The following TXNL4A variants were observed in gnomAD, a reference collection of about 807,000 sequenced individuals.
TXNL4A encodes the protein thioredoxin like 4A, also known as thioredoxin-like protein 4A.
In TXNL4A, 17 loss-of-function variants were observed where a neutral mutation model predicts 14.6. The ratio of observed to expected loss-of-function variants is 1.16; its 90% CI spans 0.80 to 1.74. TXNL4A has a LOEUF of 1.74. Among genes scored for constraint, TXNL4A ranks in the 40% most tolerant of loss-of-function variants. The pLI is 0.00. For synonymous variants in TXNL4A, 83 were observed against 70.6 expected, an observed-to-expected ratio of 1.18 and a Z score of -0.88; for missense variants, 74 against 195.2, an observed-to-expected ratio of 0.38 and a Z score of 3.70.
intron 1 of TXNL4A, among the ~76,000 whole-genome samples, chr18:80,020,722 G>A (rs182612000): frequency 6.6e-6 from 1 of 151,400 alleles, no homozygotes; most frequent in East Asian, 2.0e-4. Context: ...AGCTGATTGA[G>A]TTTATTTTAT....
intron 1 of TXNL4A, among the ~76,000 whole-genome samples, chr18:79,999,051 T>C (rs1490573299): frequency 6.6e-6 from 1 of 152,172 alleles, no homozygotes; most frequent in African/African-American, 2.4e-5. Flanking sequence ...CGAAGCCAGA[T>C]CATCTCAAGT....
At chr18:80,026,972 A>C (rs953083547) in intron 1 of TXNL4A, among the ~76,000 whole-genome samples, 3 of 152,208 alleles carry the variant, frequency 2.0e-5, no homozygotes, top group Non-Finnish European at 2.9e-5. Flanking sequence ...GAGAGGAGGA[A>C]ATATTAGGGG....
intron 1 of TXNL4A, among the ~76,000 whole-genome samples, chr18:80,008,624 C>T (rs1422509887): frequency 3.9e-5 from 6 of 152,098 alleles, no homozygotes; most frequent in Non-Finnish European, 5.9e-5. Flanking sequence ...TGTACTTTTA[C>T]CTGAGTGCTT....
intron 1 of TXNL4A, among the ~76,000 whole-genome samples, chr18:79,984,312 G>A (rs2051510242): frequency 6.6e-6 from 1 of 152,096 alleles, no homozygotes; most frequent in Non-Finnish European, 1.5e-5. Flanking sequence ...TACTATCATG[G>A]GCCAGGCATG....
At chr18:79,976,648 T>A (rs545939154) in intron 2 of TXNL4A, 6 of 381,202 alleles carry the variant, frequency 1.6e-5, no homozygotes, top group Non-Finnish European at 2.6e-5. Context: ...AGCTGCTCAA[T>A]GCGTGCTAAT....
chr18:80,007,199 G>A (rs192397759), intron 1 of TXNL4A, among the ~76,000 whole-genome samples: 10 of 152,200 alleles, frequency 6.6e-5, no homozygotes, highest in South Asian at 4.2e-4. Context: ...GCAGCAGGAC[G>A]AGCCACAGAC....
chr18:80,030,761 T>C (rs1459325437), intron 1 of TXNL4A, among the ~76,000 whole-genome samples: 1 of 151,776 alleles, frequency 6.6e-6, no homozygotes, highest in Non-Finnish European at 1.5e-5. Context: ...AGATCAGGAG[T>C]TTCAGACCAG....
At chr18:80,016,335 T>C (rs2051809419) in intron 1 of TXNL4A, among the ~76,000 whole-genome samples, 1 of 152,214 alleles carries the variant, frequency 6.6e-6, no homozygotes. Context: ...TGATGGTAGT[T>C]TCTTTTGCTG....
upstream of TXNL4A, among the ~76,000 whole-genome samples, chr18:79,992,876 T>TAAAAAAAAAAA (rs59567705): frequency 1.3e-5 from 1 of 78,622 alleles, no homozygotes; most frequent in Non-Finnish European, 2.4e-5. Context: ...TCATCTTATG[T>TAAAAAAAAAAA]AAAAAAAAAA....
chr18:79,988,129 C>T, intron 1 of TXNL4A, 111 bp downstream of exon 1: 1 of 1,251,922 alleles, frequency 8.0e-7, no homozygotes, highest in Non-Finnish European at 1.0e-6. Context: ...ACGACGGAGC[C>T]GCGGCCCCTC....
upstream of TXNL4A, among the ~76,000 whole-genome samples, chr18:79,988,747 C>T (rs2145091576): frequency 6.6e-6 from 1 of 152,244 alleles, no homozygotes; most frequent in African/African-American, 2.4e-5. Flanking sequence ...GGGGGTTCCT[C>T]CCCAGCGTCC....
At chr18:79,996,509 T>G (rs1354688688) in intron 1 of TXNL4A, among the ~76,000 whole-genome samples, 1 of 152,236 alleles carries the variant, frequency 6.6e-6, no homozygotes, top group Non-Finnish European at 1.5e-5. Context: ...GTTGGTCCCA[T>G]GTGTTTCTAA....
rs551908214 is a variant in TXNL4A, at chr18:80,021,632, G to C, written c.-61+12219C>G. 4.7e-4 allele frequency among the ~76,000 whole-genome samples: 71 copies of C among 152,316 alleles called. No individual in the cohort carries two copies. In the East Asian group the frequency reaches 0.012, roughly 26 times the overall value. The stretch of plus-strand genomic sequence containing the variant: ...GGATTAGGAACCACTGGATGGATTG[G>C]AACTATAGCTTTATTAACAAGATGG... On this transcript the variant is annotated intron_variant, in intron 1 of 2. Coordinates refer to the TXNL4A transcript ENST00000585474.
chr18:80,031,013 GAA>G (rs2051917711), intron 1 of TXNL4A, among the ~76,000 whole-genome samples: 1 of 152,154 alleles, frequency 6.6e-6, no homozygotes, highest in Non-Finnish European at 1.5e-5. Context: ...AAGGACATGG[GAA>G]AAGTTTTTCA....
In TXNL4A at chr18:79,988,462, G is replaced by A. The variant is rs1201992042; in HGVS notation, c.-70C>T. The A allele has an allele frequency of 7.1e-6, 9 of 1,273,042 alleles. No individual in the cohort carries two copies. In the East Asian group the frequency reaches 1.9e-4, roughly 27 times the overall value. 78.9% of individuals were successfully genotyped at this position (1,273,042 alleles called of 1,614,324 possible). ...GGGCCCAGCGAGGTGGGCTCAGCCGGCCCCTCACTCCCCGGCCCCCGCCGC... is the reference window on the plus strand; with the variant it reads ...GGGCCCAGCGAGGTGGGCTCAGCCGACCCCTCACTCCCCGGCCCCCGCCGC... On this transcript the variant is annotated 5_prime_UTR_variant, in exon 1 of 3. Coordinates refer to ENST00000269601, the MANE Select transcript of TXNL4A (RefSeq NM_006701.5).
rs114320395 is a variant in TXNL4A at position 79,982,681 on chromosome 18, G to A, written c.154-4980C>T. ...GGGGCTGAAGGACTGAGGAACAGAG[G>A]ACTTCAGTGTGGACAACTTTCAAAA... is the stretch of plus-strand genomic sequence containing the variant. On this transcript the variant is annotated intron_variant, in intron 1 of 2. Coordinates refer to ENST00000269601, the MANE Select transcript of TXNL4A (RefSeq NM_006701.5). The surrounding 1 kb of genome is among the most constrained non-coding windows in gnomAD (Gnocchi z 4.0). 7.9e-3 allele frequency among the ~76,000 whole-genome samples: 1,200 copies of A among 152,310 alleles called. 19 individuals are homozygous for A. The highest frequency in any genetic ancestry group is 0.027 in the African/African-American group (1,115 of 41,572).
chr18:80,017,160 G>A (rs1354579873), intron 1 of TXNL4A, among the ~76,000 whole-genome samples: 2 of 151,026 alleles, frequency 1.3e-5, no homozygotes, highest in Non-Finnish European at 3.0e-5. Flanking sequence ...TTGGCTCTCT[G>A]TTTGTCTGTT....
chr18:80,017,474 A>C (rs1360364870), intron 1 of TXNL4A, among the ~76,000 whole-genome samples: 11 of 152,004 alleles, frequency 7.2e-5, no homozygotes, highest in Admixed American at 1.3e-4. Flanking sequence ...GTTTTTGCCC[A>C]TTCAGTATGA....
At chr18:80,012,880 C>A (rs2051779606) in intron 1 of TXNL4A, among the ~76,000 whole-genome samples, 1 of 151,258 alleles carries the variant, frequency 6.6e-6, no homozygotes, top group Admixed American at 6.6e-5. Flanking sequence ...GCCCTTCCTC[C>A]TGGGAAACGG....
Sources: allele counts gnomAD v4.1 joint callset (sites outside exome capture counted in the v4.1 genomes callset), GRCh38; gene constraint gnomAD v4.1.1; non-coding constraint Gnocchi (gnomAD v3.1); transcripts MANE v1.5; gene names NCBI Gene and HGNC (gene_info 2026-07-23, HGNC 2026-07-21).